The following CSRNP3 variants were observed in gnomAD, a reference collection of about 807,000 sequenced individuals.
CSRNP3 encodes the protein cysteine and serine rich nuclear protein 3.
A neutral mutation model predicts 48.0 loss-of-function variants in CSRNP3; 12 were observed. The ratio of observed to expected loss-of-function variants is 0.25; its 90% CI spans 0.16 to 0.41. The LOEUF is 0.41. CSRNP3 is among the 10% of genes least tolerant of loss of function. The pLI, the probability that CSRNP3 is intolerant of heterozygous loss-of-function variation, is 1.00. For synonymous variants in CSRNP3, 263 were observed against 269.7 expected, an observed-to-expected ratio of 0.98 and a Z score of 0.24; for missense variants, 580 against 724.4, an observed-to-expected ratio of 0.80 and a Z score of 2.29.
intron 2 of CSRNP3, among the ~76,000 whole-genome samples, chr2:165,501,132 A>G (rs1274998116): frequency 2.0e-5 from 3 of 152,112 alleles, no homozygotes; most frequent in Non-Finnish European, 4.4e-5. Context: ...GCTTCCCATT[A>G]TAGTGGTCAT....
rs572836286 is a variant in CSRNP3 at position 165,532,956 on chromosome 2, C to T, written c.-24+14995C>T. ...GCCAAATCATGAGTGAATTCCCATT[C>T]ACAATTGCTTCAAAGAGAATAAAAT... On this transcript the variant is annotated intron_variant, in intron 3 of 6. Transcript: ENST00000651982. Among the ~76,000 whole-genome samples, 3 of 152,154 alleles carry T rather than the reference C, an allele frequency of 2.0e-5. No homozygotes were observed. The South Asian group carries it at 6.2e-4, about 32-fold the overall frequency.
At chr2:165,631,834 G>A (rs1388717228) in intron 4 of CSRNP3, among the ~76,000 whole-genome samples, 2 of 152,240 alleles carry the variant, frequency 1.3e-5, no homozygotes, top group African/African-American at 4.8e-5. Flanking sequence ...GTCTGTGGCT[G>A]CTTTTGCACT....
intron 3 of CSRNP3, among the ~76,000 whole-genome samples, chr2:165,544,166 T>C (rs929032825): frequency 2.6e-5 from 4 of 151,958 alleles, no homozygotes; most frequent in Non-Finnish European, 5.9e-5. Flanking sequence ...ACTGGACACA[T>C]TAGGCTTTAC....
intron 5 of CSRNP3, among the ~76,000 whole-genome samples, chr2:165,662,191 G>A (rs1036708560): frequency 2.0e-5 from 1 of 50,720 alleles, no homozygotes; most frequent in African/African-American, 7.5e-5. Context: ...CAAAATAAAA[G>A]TAGGAATGTA....
At chr2:165,592,665 G>C (rs368025571) in intron 3 of CSRNP3, among the ~76,000 whole-genome samples, 129 of 152,176 alleles carry the variant, frequency 8.5e-4, no homozygotes, top group African/African-American at 3.0e-3. Context: ...TTTATAAGGG[G>C]CTTTTTCCCT....
rs374458667 is a variant in CSRNP3, at chr2:165,530,882, TGTATA to T, written c.-24+12926_-24+12930del. 3.8e-3 allele frequency among the ~76,000 whole-genome samples: 578 copies of T among 152,108 alleles called. 2 individuals carry two copies. Among genetic ancestry groups the T allele is most frequent in the African/African-American group, 0.013 (556 of 41,510 alleles). On this transcript the variant is annotated intron_variant, in intron 3 of 6. Coordinates refer to ENST00000651982, the MANE Select transcript of CSRNP3 (RefSeq NM_001172173.2). ...ATCTTTAAAAATCAAAAGAAGAAAA[TGTATA>T]GTATGAGAGATTTCTCATTAAGAAA... is the stretch of plus-strand genomic sequence containing the variant.
At chr2:165,633,383 C>T (rs1481745663) in intron 4 of CSRNP3, among the ~76,000 whole-genome samples, 3 of 152,114 alleles carry the variant, frequency 2.0e-5, no homozygotes, top group Non-Finnish European at 4.4e-5. Context: ...ATTCTGGCAT[C>T]GATAATATTT....
rs146633639 is a variant in CSRNP3, at chr2:165,531,980, A to G, written c.-24+14019A>G. Among the ~76,000 whole-genome samples the G allele has an allele frequency of 1.4e-3, 212 of 152,324 alleles. 1 individual carries two copies. Among genetic ancestry groups the G allele is most frequent in the African/African-American group, 4.9e-3 (203 of 41,566 alleles). ...CTAGAAGAAGTGGATAAATTCCTCG[A>G]CACATACATCCTCCCAAGACGAAAC... On this transcript the variant is annotated intron_variant, in intron 3 of 6. Coordinates refer to ENST00000651982, the MANE Select transcript of CSRNP3 (RefSeq NM_001172173.2).
At chr2:165,628,553 G>A (rs544045898) in intron 4 of CSRNP3, among the ~76,000 whole-genome samples, 34 of 151,182 alleles carry the variant, frequency 2.2e-4, no homozygotes, top group African/African-American at 6.8e-4. Context: ...GTGAAACCCC[G>A]TCTCTACTAA....
intron 4 of CSRNP3, among the ~76,000 whole-genome samples, chr2:165,657,549 T>C (rs575881294): frequency 2.0e-5 from 3 of 152,316 alleles, no homozygotes; most frequent in African/African-American, 7.2e-5. Context: ...TCTACCATTA[T>C]ACTTAAAAGA....
At chr2:165,643,299 A>C (rs893401945) in intron 4 of CSRNP3, among the ~76,000 whole-genome samples, 1 of 152,184 alleles carries the variant, frequency 6.6e-6, no homozygotes, top group Admixed American at 6.5e-5. Context: ...ACCATTTCTC[A>C]ATGTTGTGTT....
intron 3 of CSRNP3, among the ~76,000 whole-genome samples, chr2:165,592,016 C>G (rs1404317118): frequency 6.6e-6 from 1 of 152,202 alleles, no homozygotes; most frequent in African/African-American, 2.4e-5. Flanking sequence ...AAGCCACAAA[C>G]ACTCAATGTC....
chr2:165,483,131 A>G (rs906697603), intron 1 of CSRNP3, among the ~76,000 whole-genome samples: 1 of 151,654 alleles, frequency 6.6e-6, no homozygotes, highest in African/African-American at 2.4e-5. Context: ...TTTGCTATTC[A>G]GTATACCTAG....
At chr2:165,482,290 GC>G (rs1228527503) in intron 1 of CSRNP3, among the ~76,000 whole-genome samples, 1 of 147,860 alleles carries the variant, frequency 6.8e-6, no homozygotes, top group Non-Finnish European at 1.5e-5. Flanking sequence ...TTGAGATGGA[GC>G]CTTGCTCTGT....
At chr2:165,570,936 T>C (rs1685364630) in intron 3 of CSRNP3, among the ~76,000 whole-genome samples, 2 of 151,946 alleles carry the variant, frequency 1.3e-5, no homozygotes, top group Non-Finnish European at 2.9e-5. Context: ...ACCCTACAAA[T>C]AATATCATAA....
At chr2:165,659,305 A>G (rs959560456) in intron 5 of CSRNP3, among the ~76,000 whole-genome samples, 1 of 152,214 alleles carries the variant, frequency 6.6e-6, no homozygotes, top group Non-Finnish European at 1.5e-5. Flanking sequence ...GGAGAAATTT[A>G]GCAAACAAAA....
intron 3 of CSRNP3, among the ~76,000 whole-genome samples, chr2:165,592,958 C>T (rs1337118699): frequency 7.9e-5 from 12 of 151,176 alleles, no homozygotes; most frequent in African/African-American, 2.9e-4. Context: ...CCCGCCACTA[C>T]GCCCGGCTAA....
At chr2:165,516,707 C>T (rs1327445365) in intron 2 of CSRNP3, among the ~76,000 whole-genome samples, 2 of 152,138 alleles carry the variant, frequency 1.3e-5, no homozygotes, top group Admixed American at 6.5e-5. Context: ...CAAACTGACT[C>T]AATAACCTCT....
chr2:165,579,257 G>T (rs1399038553), intron 3 of CSRNP3, among the ~76,000 whole-genome samples: 1 of 152,116 alleles, frequency 6.6e-6, no homozygotes, highest in Non-Finnish European at 1.5e-5. Flanking sequence ...GTTAGAATTT[G>T]AATGGGACAA....
Sources: gnomAD v4.1 joint callset for allele counts (sites outside exome capture counted in the v4.1 genomes callset) on GRCh38, gnomAD v4.1.1 for gene constraint, MANE v1.5 for transcripts, NCBI Gene and HGNC (gene_info 2026-07-23, HGNC 2026-07-21) for gene names.